HK1: variants seen among roughly 807,000 people sequenced by gnomAD.
HK1 encodes the protein hexokinase-1.
A neutral mutation model predicts 91.6 loss-of-function variants in HK1; 28 were observed. That is an observed-to-expected ratio of 0.31 (90% CI 0.23 to 0.42). The LOEUF (loss-of-function observed/expected upper bound fraction) is 0.42, where lower values mean the gene tolerates loss of function less well. HK1 is among the 10% of genes least tolerant of loss of function. HK1 has a pLI of 1.00. For missense variants in HK1, 770 were observed against 1,219.8 expected, an observed-to-expected ratio of 0.63 and a Z score of 5.49; for synonymous variants, 430 against 468.1, an observed-to-expected ratio of 0.92 and a Z score of 1.05.
intron 5 of HK1, among the ~76,000 whole-genome samples, chr10:69,309,725 C>T (rs1033643456): frequency 4.0e-5 from 6 of 151,108 alleles, no homozygotes; most frequent in East Asian, 4.0e-4. Flanking sequence ...CACCTGAACC[C>T]GGGAGGCGGA....
chr10:69,335,279 G>A lies in HK1; in HGVS notation c.64-8548G>A, dbSNP rs527283521. Among the ~76,000 whole-genome samples, 21 of 152,332 alleles carry A rather than the reference G, an allele frequency of 1.4e-4. No individual in the cohort carries two copies. The Middle Eastern group carries it at 0.01, about 74-fold the overall frequency. On this transcript the variant is annotated intron_variant, in intron 1 of 17. Coordinates refer to ENST00000359426, the MANE Select transcript of HK1 (RefSeq NM_000188.3). ...CGGTGCGGGCCCAGGCTCTCAGCTTGCTATGGCTGTTGAACTTCCTTCCCA... is the reference window on the plus strand; with the variant it reads ...CGGTGCGGGCCCAGGCTCTCAGCTTACTATGGCTGTTGAACTTCCTTCCCA...
intron 2 of HK1, among the ~76,000 whole-genome samples, chr10:69,350,980 C>T (rs1455806089): frequency 1.4e-5 from 2 of 140,898 alleles, no homozygotes; most frequent in South Asian, 2.3e-4. Context: ...ACCATCCTGG[C>T]TAACACAGTG....
intron 1 of HK1, among the ~76,000 whole-genome samples, chr10:69,325,446 C>T (rs1847290426): frequency 6.6e-6 from 1 of 151,582 alleles, no homozygotes; most frequent in African/African-American, 2.4e-5. Context: ...CAACCTCTGT[C>T]TCCTGGGTTC....
Position 69,333,637 on chromosome 10 carries a change from G to A in HK1, c.64-10190G>A, listed in dbSNP as rs114676001. ...GAAGGGGAGCTGAAGTTGGAGTGCC[G>A]CTCTGCTTGCTGGGGGCCTGGGGCA... On this transcript the variant is annotated intron_variant, in intron 1 of 17. Transcript: ENST00000359426. Among the ~76,000 whole-genome samples, 426 of 152,028 alleles carry A rather than the reference G, an allele frequency of 2.8e-3. 1 individual carries two copies. The highest frequency in any genetic ancestry group is 9.3e-3 in the African/African-American group (386 of 41,468).
rs140498607 is a variant in HK1, at chr10:69,382,736, C to T, written c.1515C>T (p.Asn505=). ...TGGGGCTGAGGAAGCAGACGCACAA[C>T]AATGCCGTGGTTAAGATGCTGCCCT... The part of the protein sequence containing the change: ...MELGLRKQTH[N]NAVVKMLPSF... The change falls in exon 10 of 18, where the codon AAC becomes AAT. Residue 505 remains asparagine, a synonymous_variant. Transcript: ENST00000359426. 6.0e-3 allele frequency: 9,647 copies of T among 1,613,344 alleles called. 48 individuals are homozygous for T. Among genetic ancestry groups the T allele is most frequent in the Middle Eastern group, 0.037 (226 of 6,052 alleles).
At chr10:69,386,706 CAGG>C (rs1296132895) in intron 13 of HK1, 2 of 352,400 alleles carry the variant, frequency 5.7e-6, no homozygotes, top group African/African-American at 4.3e-5. Context: ...CGCTTCAACC[CAGG>C]AGGAGGTTGC....
intron 1 of HK1, among the ~76,000 whole-genome samples, chr10:69,335,226 T>TCC (rs1421426467): frequency 6.6e-6 from 1 of 151,132 alleles, no homozygotes; most frequent in Non-Finnish European, 1.5e-5. Context: ...GGAAGAGGAG[T>TCC]CCGGGGCTGC....
At chr10:69,338,148 C>A in intron 1 of HK1, 1 of 727,322 alleles carries the variant, frequency 1.4e-6, no homozygotes, top group Non-Finnish European at 1.7e-6. Flanking sequence ...AGCTTCAAGG[C>A]CCCCTTGGTC....
At chr10:69,399,350 A>C (rs1840285541) in intron 17 of HK1, among the ~76,000 whole-genome samples, 1 of 152,118 alleles carries the variant, frequency 6.6e-6, no homozygotes, top group African/African-American at 2.4e-5. Context: ...TCTGTACAAA[A>C]AAATTTTGAA....
intron 2 of HK1, among the ~76,000 whole-genome samples, chr10:69,283,658 G>A (rs1844875137): frequency 6.6e-6 from 1 of 151,014 alleles, no homozygotes; most frequent in Admixed American, 6.6e-5. Context: ...GCAGGCAACT[G>A]TAGTCCCAGC....
intron 1 of HK1, among the ~76,000 whole-genome samples, chr10:69,279,551 C>T (rs78792424): frequency 0.031 from 4,742 of 152,176 alleles, 143 homozygotes; most frequent in South Asian, 0.13. Flanking sequence ...ATATGTAGAT[C>T]GAATGTTTGA....
At chr10:69,311,930 C>T (rs796078590), upstream of HK1, among the ~76,000 whole-genome samples, 36 of 151,904 alleles carry the variant, frequency 2.4e-4, no homozygotes, top group African/African-American at 7.7e-4. Context: ...CCACCGCGCT[C>T]GGCCCAAGCT....
intron 3 of HK1, among the ~76,000 whole-genome samples, chr10:69,289,076 T>A (rs1845161178): frequency 6.6e-6 from 1 of 152,058 alleles, no homozygotes; most frequent in South Asian, 2.1e-4. Context: ...CGCTCTGGTG[T>A]TTCTTTAGCT....
chr10:69,393,290 TTTTTCTTTTC>T (rs752233541), intron 15 of HK1, among the ~76,000 whole-genome samples: 4 of 150,320 alleles, frequency 2.7e-5, no homozygotes, highest in Admixed American at 6.7e-5. Flanking sequence ...CCTTATAGTC[TTTTTCTTTTC>T]TTTTCTTTTC....
In HK1 at chr10:69,384,903, G is replaced by A. The variant is rs148999865; in HGVS notation, c.1827G>A (p.Thr609=). Reference sequence around the variant, plus strand: ...CGTTCTCATTTCCCTGCCAGCAGACGAGTCTGGACGCGGTGAGTCTCTGTT... The same window carrying A: ...CGTTCTCATTTCCCTGCCAGCAGACAAGTCTGGACGCGGTGAGTCTCTGTT... The part of the protein sequence containing the change: ...GFTFSFPCQQ[T]SLDAGILITW... Residue 609 remains threonine (T), a synonymous_variant, in exon 12 of 18, where the codon ACG becomes ACA. Transcript: ENST00000359426. The A allele has an allele frequency of 1.9e-5, 31 of 1,614,096 alleles. No homozygotes were observed. Among genetic ancestry groups the A allele is most frequent in the Admixed American group, 3.3e-5 (2 of 60,006 alleles).
At chr10:69,304,826 G>C (rs1197066558) in intron 5 of HK1, among the ~76,000 whole-genome samples, 1 of 152,186 alleles carries the variant, frequency 6.6e-6, no homozygotes, top group African/African-American at 2.4e-5. Flanking sequence ...ATGCTTTCCT[G>C]CTCATGTGGT....
intron 3 of HK1, among the ~76,000 whole-genome samples, chr10:69,293,844 C>A (rs147505118): frequency 6.8e-6 from 1 of 146,932 alleles, no homozygotes. Flanking sequence ...GAAGCACAAG[C>A]ATATTTCTTT....
intron 13 of HK1, among the ~76,000 whole-genome samples, chr10:69,387,885 G>GA (rs11400433): frequency 0.13 from 17,992 of 142,996 alleles, 2,700 homozygotes; most frequent in African/African-American, 0.37. Context: ...TTTTTTTTTT[G>GA]ACTTTTTTTC....
intron 5 of HK1, among the ~76,000 whole-genome samples, chr10:69,309,108 G>A (rs1394076057): frequency 6.6e-6 from 1 of 152,102 alleles, no homozygotes; most frequent in East Asian, 1.9e-4. Context: ...CCAGGAGTTC[G>A]AGATTGCAGT....
Sources: allele counts gnomAD v4.1 joint callset (sites outside exome capture counted in the v4.1 genomes callset), GRCh38; gene constraint gnomAD v4.1.1; transcripts MANE v1.5; gene names NCBI Gene and HGNC (gene_info 2026-07-23, HGNC 2026-07-21).